COP1: variants seen among roughly 807,000 people sequenced by gnomAD.
COP1 encodes E3 ubiquitin-protein ligase COP1.
In COP1, 24 loss-of-function variants were observed where a neutral mutation model predicts 101.3. That is an observed-to-expected ratio of 0.24 (90% CI 0.17 to 0.33). COP1 has a LOEUF of 0.33. Ranked by LOEUF, COP1 falls within the 10% of genes least tolerant of loss-of-function variation. COP1 has a pLI of 1.00. For missense variants in COP1, 663 were observed against 906.2 expected (o/e 0.73, Z 3.45); for synonymous variants, 347 against 341.9 (o/e 1.01, Z -0.17).
intron 15 of COP1, among the ~76,000 whole-genome samples, chr1:176,017,120 T>C (rs768862621): frequency 2.1e-4 from 32 of 152,182 alleles, no homozygotes; most frequent in Non-Finnish European, 2.5e-4. Flanking sequence ...TAAAGGAATA[T>C]CTTATTAAAT....
intron 8 of COP1, among the ~76,000 whole-genome samples, chr1:176,120,915 C>T (rs953114510): frequency 6.6e-5 from 10 of 151,748 alleles, no homozygotes; most frequent in African/African-American, 9.7e-5. Flanking sequence ...AATTTTTAAT[C>T]GATGAGCAAA....
intron 2 of COP1, among the ~76,000 whole-genome samples, chr1:176,182,603 T>C (rs1697940863): frequency 6.6e-6 from 1 of 152,194 alleles, no homozygotes; most frequent in Non-Finnish European, 1.5e-5. Context: ...GAAAGCCTAC[T>C]CTAGATCACC....
At chr1:176,115,765 TATAAAA>T (rs1686087233) in intron 9 of COP1, among the ~76,000 whole-genome samples, 1 of 151,600 alleles carries the variant, frequency 6.6e-6, no homozygotes, top group Non-Finnish European at 1.5e-5. Flanking sequence ...TAAAATAAAA[TATAAAA>T]ATAAAAAGTC....
intron 1 of COP1, among the ~76,000 whole-genome samples, chr1:176,205,601 C>G (rs1327193933): frequency 1.3e-5 from 2 of 152,218 alleles, no homozygotes; most frequent in African/African-American, 4.8e-5. Context: ...ACTACCACTT[C>G]TTAAGCAGCT....
chr1:176,033,223 C>A (rs998484834), intron 14 of COP1, among the ~76,000 whole-genome samples: 1 of 151,942 alleles, frequency 6.6e-6, no homozygotes, highest in African/African-American at 2.4e-5. Flanking sequence ...ACCAGCCTGA[C>A]CAACATGGTG....
intron 18 of COP1, among the ~76,000 whole-genome samples, chr1:175,972,483 T>TTTTTTTTTTTTTTA (rs1553281799): frequency 1.7e-4 from 25 of 150,096 alleles, no homozygotes; most frequent in African/African-American, 6.1e-4. Flanking sequence ...TTTTTTTTTT[T>TTTTTTTTTTTTTTA]GAGACAGAGT....
intron 8 of COP1, among the ~76,000 whole-genome samples, chr1:176,117,084 T>C (rs1488878394): frequency 3.3e-5 from 5 of 152,186 alleles, no homozygotes; most frequent in Non-Finnish European, 5.9e-5. Flanking sequence ...GCTATGCCAT[T>C]AAAAAGCTAT....
At chr1:176,092,579 A>G (rs1681522804) in intron 9 of COP1, among the ~76,000 whole-genome samples, 2 of 152,320 alleles carry the variant, frequency 1.3e-5, no homozygotes, top group East Asian at 3.9e-4. Flanking sequence ...AAGACAAAAC[A>G]TAAAGGACAA....
At chr1:176,008,841 T>G (rs1351080339) in intron 15 of COP1, among the ~76,000 whole-genome samples, 7 of 152,236 alleles carry the variant, frequency 4.6e-5, no homozygotes, top group Non-Finnish European at 8.8e-5. Flanking sequence ...GTTTTTTATT[T>G]ATTTTTGTTT....
chr1:176,023,088 T>C (rs1057216500), intron 15 of COP1, among the ~76,000 whole-genome samples: 2 of 152,184 alleles, frequency 1.3e-5, no homozygotes, highest in African/African-American at 4.8e-5. Flanking sequence ...AATGGCATCA[T>C]GTTCTTGATT....
intron 12 of COP1, 57 bp from the exon 13 acceptor site, chr1:176,043,875 A>T: frequency 2.0e-6 from 2 of 994,552 alleles, no homozygotes; most frequent in Non-Finnish European, 3.2e-6. Context: ...AATGGGATAA[A>T]AATAATTTTA....
At chr1:176,048,939 G>A (rs1571913826) in intron 11 of COP1, among the ~76,000 whole-genome samples, 1 of 151,224 alleles carries the variant, frequency 6.6e-6, no homozygotes, top group African/African-American at 2.5e-5. Flanking sequence ...TTGGGAGGCC[G>A]AGGCGGGTGG....
rs140358075 is a variant in COP1 at position 176,178,594 on chromosome 1, G to C, written c.468-2587C>G. On this transcript the variant is annotated intron_variant, in intron 2 of 19. Transcript: ENST00000367669. The stretch of plus-strand genomic sequence containing the variant: ...TGGCCGGGAGCAGTGGCTCACACCT[G>C]TAATTCCAGCACTATGGGAGGCCAA... Among the ~76,000 whole-genome samples, 114 of 152,264 alleles carry C rather than the reference G, an allele frequency of 7.5e-4. No homozygotes were observed. The Middle Eastern group carries it at 0.014, about 18-fold the overall frequency.
intron 18 of COP1, among the ~76,000 whole-genome samples, chr1:175,955,766 C>CCACACACACACACACACACAAA (rs1553275350): frequency 1.0e-4 from 13 of 129,192 alleles, no homozygotes; most frequent in Admixed American, 2.4e-4. Context: ...TAGAGACAAA[C>CCACACACACACACACACACAAA]CACACACACA....
intron 18 of COP1, among the ~76,000 whole-genome samples, chr1:175,957,030 T>C (rs1399034647): frequency 6.6e-6 from 1 of 152,068 alleles, no homozygotes; most frequent in Non-Finnish European, 1.5e-5. Context: ...AGCTGTACAA[T>C]GTGTTTGTGT....
chr1:175,993,617 T>C (rs1015837492), intron 15 of COP1, among the ~76,000 whole-genome samples: 3 of 152,064 alleles, frequency 2.0e-5, no homozygotes, highest in African/African-American at 7.2e-5. Flanking sequence ...CAGGAGCCGA[T>C]GAGATGAACT....
intron 15 of COP1, among the ~76,000 whole-genome samples, chr1:176,000,389 G>C (rs573235765): frequency 6.6e-6 from 1 of 152,154 alleles, no homozygotes; most frequent in Admixed American, 6.6e-5. Flanking sequence ...TGGCAAGTTT[G>C]TCAAAAATGA....
chr1:175,988,986 A>G (rs1301734158), intron 16 of COP1: 2 of 165,936 alleles, frequency 1.2e-5, no homozygotes, highest in African/African-American at 4.8e-5. Context: ...GTAACACATG[A>G]GTTGACTTTA....
At chr1:176,158,942 A>G (rs1394046898) in intron 5 of COP1, among the ~76,000 whole-genome samples, 3 of 152,134 alleles carry the variant, frequency 2.0e-5, no homozygotes, top group African/African-American at 7.2e-5. Context: ...TGCCTGGCCT[A>G]AGGTTCTTGT....
Sources: gnomAD v4.1 joint callset for allele counts (sites outside exome capture counted in the v4.1 genomes callset) on GRCh38, gnomAD v4.1.1 for gene constraint, MANE v1.5 for transcripts, NCBI Gene and HGNC (gene_info 2026-07-23, HGNC 2026-07-21) for gene names.